MAD2L2: variants seen among roughly 807,000 people sequenced by gnomAD.
MAD2L2 encodes the protein mitotic spindle assembly checkpoint protein MAD2B.
Under a neutral mutation model 30.5 loss-of-function variants are expected in MAD2L2, and 17 were observed. The observed-to-expected ratio is 0.56, with a 90% CI of 0.38 to 0.84. The LOEUF (loss-of-function observed/expected upper bound fraction) is 0.84. Among genes scored for constraint, MAD2L2 ranks in the 40% least tolerant of loss-of-function variants. The pLI, the probability that MAD2L2 is intolerant of heterozygous loss-of-function variation, is 0.00. For missense variants in MAD2L2, 213 were observed against 277.4 expected (o/e 0.77, Z 1.65); for synonymous variants, 101 against 113.9 (o/e 0.89, Z 0.72).
chr1:11,674,959 A>G lies in MAD2L2; in HGVS notation c.594+123T>C, dbSNP rs1472162483. ...CATGGTGGAGAAGAGTAGAGATGGGAGGAGCCCTCCACCAGGCACTCCCCC... is the reference window on the plus strand; with the variant it reads ...CATGGTGGAGAAGAGTAGAGATGGGGGGAGCCCTCCACCAGGCACTCCCCC... On this transcript the variant is annotated intron_variant, in intron 8 of 8. Transcript: ENST00000376692. This position sits in a 1 kb window ranked among gnomAD's most constrained non-coding sequence, Gnocchi z 6.1. 49 of 1,268,552 alleles carry G rather than the reference A, an allele frequency of 3.9e-5. No individual in the cohort carries two copies. Among genetic ancestry groups the G allele is most frequent in the Non-Finnish European group, 5.1e-5 (45 of 887,226 alleles). 78.6% of individuals were successfully genotyped at this position (1,268,552 alleles called of 1,614,324 possible). A position where few individuals can be genotyped will look rare whatever the true frequency, so the allele number is the denominator to read the frequency against.
chr1:11,686,188 C>T (rs1012083170), intron 1 of MAD2L2, among the ~76,000 whole-genome samples: 19 of 152,160 alleles, frequency 1.2e-4, no homozygotes, highest in African/African-American at 4.3e-4. Context: ...AGGGAGGACA[C>T]GCATCATCAC....
chr1:11,677,769 C>T (rs1640796205), intron 3 of MAD2L2, among the ~76,000 whole-genome samples, 155 bp from the exon 4 acceptor site: 1 of 152,144 alleles, frequency 6.6e-6, no homozygotes, highest in South Asian at 2.1e-4. Flanking sequence ...CCTCAAGAGG[C>T]TAAGAACTGG....
In MAD2L2 at chr1:11,675,062, C is replaced by T. The variant is rs770159498; in HGVS notation, c.594+20G>A. ...TAAGCAGCCCCTAAATAAAGCTTCCCGGGTCCCCACGAAGCTCACCTTTAA... is the reference window on the plus strand; with the variant it reads ...TAAGCAGCCCCTAAATAAAGCTTCCTGGGTCCCCACGAAGCTCACCTTTAA... On this transcript the variant is annotated intron_variant, in intron 8 of 8. Transcript: ENST00000376692. 1.5e-5 allele frequency: 24 copies of T among 1,555,734 alleles called. No individual in the cohort carries two copies. Among genetic ancestry groups the T allele is most frequent in the Non-Finnish European group, 1.8e-5 (21 of 1,145,982 alleles).
chr1:11,677,015 C>G (rs563582848), intron 4 of MAD2L2, 67 bp from the exon 5 acceptor site: 1 of 1,206,732 alleles, frequency 8.3e-7, no homozygotes, highest in Non-Finnish European at 1.2e-6. Context: ...CCTGCCTCCA[C>G]CCCCTTGCCC....
upstream of MAD2L2, among the ~76,000 whole-genome samples, chr1:11,684,018 A>C (rs1303003897): frequency 6.6e-6 from 1 of 152,184 alleles, no homozygotes; most frequent in Non-Finnish European, 1.5e-5. Flanking sequence ...GTTCAGATCC[A>C]ATCACAAACA....
Position 11,688,163 on chromosome 1 carries a change from C to T in MAD2L2, c.-692+3250G>A, listed in dbSNP as rs1640995321. Reference sequence around the variant, plus strand: ...AAATCATGCTGGCTGCACACTGCCCCCTCTCCCAGGCCCAGGTGACCATCA... The same window carrying T: ...AAATCATGCTGGCTGCACACTGCCCTCTCTCCCAGGCCCAGGTGACCATCA... On this transcript the variant is annotated intron_variant, in intron 1 of 10. Coordinates refer to the MAD2L2 transcript ENST00000235310. The surrounding 1 kb of genome is among the most constrained non-coding windows in gnomAD (Gnocchi z 4.6). Among the ~76,000 whole-genome samples the T allele has an allele frequency of 6.6e-6, 1 of 152,186 alleles. No homozygotes were observed. Among genetic ancestry groups the T allele is most frequent in the South Asian group, 2.1e-4 (1 of 4,830 alleles).
upstream of MAD2L2, among the ~76,000 whole-genome samples, chr1:11,684,988 G>T (rs1640934986): frequency 6.6e-6 from 1 of 151,694 alleles, no homozygotes; most frequent in African/African-American, 2.4e-5. Flanking sequence ...AGTGCAGTGG[G>T]GCAATCATAG....
chr1:11,690,474 T>C lies in MAD2L2; in HGVS notation c.-692+939A>G, dbSNP rs1225247972. ...CATTCACGCCTAGAACACTGAAATT[T>C]AGGTATAATCATGAGCTCAGAGGTC... On this transcript the variant is annotated intron_variant, in intron 1 of 10. Coordinates refer to the MAD2L2 transcript ENST00000235310. This position sits in a 1 kb window ranked among gnomAD's most constrained non-coding sequence, Gnocchi z 4.2. Among the ~76,000 whole-genome samples, 26 of 152,170 alleles carry C rather than the reference T, an allele frequency of 1.7e-4. No individual in the cohort carries two copies. The highest frequency in any genetic ancestry group is 1.7e-3 in the Admixed American group (26 of 15,280).
upstream of MAD2L2, chr1:11,682,152 A>G (rs1352226994): frequency 6.6e-6 from 1 of 152,246 alleles, no homozygotes; most frequent in Non-Finnish European, 1.5e-5. Flanking sequence ...AAACAGGCCC[A>G]GAAACGTTCT....
In MAD2L2 at chr1:11,689,292, CAAAAA is replaced by C. The variant is rs70983584; in HGVS notation, c.-692+2116_-692+2120del. ...TGGGCAACAAAGTGAGACTCTGTCT[CAAAAA>C]AAAAAAAAAAAAAAAAAAGGCTGGG... On this transcript the variant is annotated intron_variant, in intron 1 of 10. Coordinates refer to the MAD2L2 transcript ENST00000235310. 4.6e-3 allele frequency among the ~76,000 whole-genome samples: 315 copies of C among 67,976 alleles called. 2 individuals carry two copies. Among genetic ancestry groups the C allele is most frequent in the African/African-American group, 0.019 (299 of 15,466 alleles). 44.6% of individuals were successfully genotyped at this position (67,976 alleles called of 152,430 possible). A position where few individuals can be genotyped will look rare whatever the true frequency, so the allele number is the denominator to read the frequency against.
At position 11,690,954 on chromosome 1, in the gene MAD2L2, G is replaced by A. The variant is rs950252175; in HGVS notation, c.-692+459C>T. 6.6e-6 allele frequency among the ~76,000 whole-genome samples: 1 copy of A among 152,186 alleles called. No homozygotes were observed. Among genetic ancestry groups the A allele is most frequent in the Admixed American group, 6.5e-5 (1 of 15,282 alleles). ...AGTGTGTGTGTGTGTGTGTTTGTGT[G>A]TGTGTGTATTGGGGCGGTTGTCTTT... On this transcript the variant is annotated intron_variant, in intron 1 of 10. Coordinates refer to the MAD2L2 transcript ENST00000235310. This position sits in a 1 kb window ranked among gnomAD's most constrained non-coding sequence, Gnocchi z 4.2.
intron 5 of MAD2L2, among the ~76,000 whole-genome samples, chr1:11,676,362 G>A (rs892571523): frequency 3.3e-5 from 5 of 152,152 alleles, no homozygotes; most frequent in South Asian, 4.1e-4. Flanking sequence ...TCGGCGGGGG[G>A]TAGGGGACAG....
chr1:11,680,903 A>C, intron 1 of MAD2L2, 136 bp downstream of exon 1: 1 of 627,986 alleles, frequency 1.6e-6, no homozygotes, highest in Non-Finnish European at 2.2e-6. Flanking sequence ...CGCAGAGGGA[A>C]ACAGCGGGAT....
chr1:11,686,807 T>TAA (rs560855200), intron 1 of MAD2L2, among the ~76,000 whole-genome samples: 16,829 of 104,140 alleles, frequency 0.16, 1,343 homozygotes, highest in Admixed American at 0.23. Flanking sequence ...ACTGCCACTT[T>TAA]AAAAAAAAAA....
At chr1:11,680,650 G>A (rs867752192) in intron 1 of MAD2L2, 37 bp from the exon 2 acceptor site, 3 of 1,516,572 alleles carry the variant, frequency 2.0e-6, no homozygotes, top group South Asian at 2.6e-5. Context: ...TAGTTCCAGA[G>A]ACCCAGGAGC....
Position 11,680,417 on chromosome 1 carries a change from T to A in MAD2L2, c.95A>T (p.Tyr32Phe). The change falls in exon 3 of 9, where the codon TAC (tyrosine) becomes TTC (phenylalanine). Residue 32 changes from tyrosine (Y) to phenylalanine (F), a missense_variant. Transcript: ENST00000376692. The stretch of plus-strand genomic sequence containing the variant: ...GCCCACGGGGTAGACCTCGCGCACG[T>A]AGAGGATGAGATGCACAGCCACCTC... ...FLEVAVHLILYVREVYPVGIF... is the reference protein window; with the variant it reads ...FLEVAVHLILFVREVYPVGIF... The A allele has an allele frequency of 6.2e-7, 1 of 1,613,878 alleles. No homozygotes were observed. Among genetic ancestry groups the A allele is most frequent in the Non-Finnish European group, 8.5e-7 (1 of 1,179,916 alleles).
At chr1:11,685,759 C>A (rs1300136793), upstream of MAD2L2, among the ~76,000 whole-genome samples, 1 of 152,154 alleles carries the variant, frequency 6.6e-6, no homozygotes, top group East Asian at 1.9e-4. Context: ...GACTTCGAGA[C>A]CAGCCTGGGC....
chr1:11,689,580 C>G (rs1412813741), intron 1 of MAD2L2, among the ~76,000 whole-genome samples: 1 of 150,732 alleles, frequency 6.6e-6, no homozygotes, highest in Non-Finnish European at 1.5e-5. Flanking sequence ...TGGGTGAGAG[C>G]AAGACTCCCT....
upstream of MAD2L2, among the ~76,000 whole-genome samples, chr1:11,684,787 A>G (rs1640931040): frequency 6.6e-6 from 1 of 152,148 alleles, no homozygotes; most frequent in African/African-American, 2.4e-5. Flanking sequence ...ACAGAGTGAG[A>G]CACACATAGC....
Sources: gnomAD v4.1 joint callset for allele counts (sites outside exome capture counted in the v4.1 genomes callset) on GRCh38, gnomAD v4.1.1 for gene constraint, Gnocchi (gnomAD v3.1) non-coding constraint, MANE v1.5 for transcripts, NCBI Gene and HGNC (gene_info 2026-07-23, HGNC 2026-07-21) for gene names.